Variants in TNPO1 observed in about 807,000 individuals in gnomAD.
TNPO1 encodes the protein transportin-1.
Under a neutral mutation model 119.5 loss-of-function variants are expected in TNPO1, and 8 were observed. The ratio of observed to expected loss-of-function variants is 0.07; its 90% CI spans 0.04 to 0.12. The LOEUF (loss-of-function observed/expected upper bound fraction) is 0.12, where lower values mean the gene tolerates loss of function less well. TNPO1 is among the 10% of genes least tolerant of loss of function. TNPO1 has a pLI of 1.00. For synonymous variants in TNPO1, 362 were observed against 363.0 expected (o/e 1.00, Z 0.03); for missense variants, 576 against 1,089.8 (o/e 0.53, Z 6.64).
rs974956363 is a variant in TNPO1, at chr5:72,909,357, A to G, written c.*684A>G. The G allele has an allele frequency of 2.7e-5, 4 of 150,828 alleles. No individual in the cohort carries two copies. Among genetic ancestry groups the G allele is most frequent in the Non-Finnish European group, 5.9e-5 (4 of 67,858 alleles). 9.3% of individuals were successfully genotyped at this position (150,828 alleles called of 1,614,324 possible). A position where few individuals can be genotyped will look rare whatever the true frequency, so the allele number is the denominator to read the frequency against. On this transcript the variant is annotated 3_prime_UTR_variant, in exon 25 of 25. Coordinates refer to ENST00000337273, the MANE Select transcript of TNPO1 (RefSeq NM_002270.4). ...CACCCTGTGAAATGCCAAATGAGTCACTCCTTTTACCTTTTTTGGGGTGGG... is the reference window on the plus strand; with the variant it reads ...CACCCTGTGAAATGCCAAATGAGTCGCTCCTTTTACCTTTTTTGGGGTGGG...
chr5:72,829,547 G>A (rs1189043786), intron 1 of TNPO1, among the ~76,000 whole-genome samples: 2 of 152,240 alleles, frequency 1.3e-5, no homozygotes, highest in Non-Finnish European at 2.9e-5. Flanking sequence ...TTCCCTCAAG[G>A]ATAGGAGTGG....
intron 9 of TNPO1, chr5:72,878,567 C>A (rs964599952): frequency 1.3e-5 from 2 of 152,326 alleles, no homozygotes; most frequent in Non-Finnish European, 1.5e-5. Context: ...TTTTTTCTTT[C>A]CATCAAGAAA....
intron 9 of TNPO1, 47 bp from the exon 10 acceptor site, chr5:72,882,420 C>A: frequency 7.2e-7 from 1 of 1,391,594 alleles, no homozygotes; most frequent in Non-Finnish European, 1.0e-6. Context: ...ATTAATTATT[C>A]TCTTGAGATC....
At chr5:72,823,761 C>G (rs1221702365) in intron 1 of TNPO1, among the ~76,000 whole-genome samples, 1 of 152,018 alleles carries the variant, frequency 6.6e-6, no homozygotes, top group African/African-American at 2.4e-5. Flanking sequence ...TTTTTTTGCA[C>G]TTGCCCCTAT....
intron 1 of TNPO1, among the ~76,000 whole-genome samples, chr5:72,819,370 G>C (rs1056567729): frequency 1.3e-5 from 2 of 152,188 alleles, no homozygotes; most frequent in African/African-American, 4.8e-5. Context: ...AGTTGTATGC[G>C]TGGATGTTAG....
intron 1 of TNPO1, chr5:72,848,158 G>A (rs1251229670): frequency 1.9e-5 from 23 of 1,205,270 alleles, no homozygotes; most frequent in Non-Finnish European, 2.4e-5. Context: ...CGGCGGCCGC[G>A]GCGGCAGCAG....
At chr5:72,863,339 C>T (rs866154997) in intron 5 of TNPO1, among the ~76,000 whole-genome samples, 4 of 152,100 alleles carry the variant, frequency 2.6e-5, no homozygotes, top group Admixed American at 6.6e-5. Context: ...AGAAACTATC[C>T]GCCATGGTGG....
intron 1 of TNPO1, among the ~76,000 whole-genome samples, chr5:72,838,647 A>G (rs1427983383): frequency 6.6e-6 from 1 of 152,180 alleles, no homozygotes; most frequent in East Asian, 1.9e-4. Flanking sequence ...GCTTGTCTCC[A>G]TCTTTTATGC....
At chr5:72,848,172 C>T (rs952088231) in intron 1 of TNPO1, 2 of 1,220,666 alleles carry the variant, frequency 1.6e-6, no homozygotes, top group African/African-American at 1.6e-5. Flanking sequence ...GCAGCAGCAG[C>T]AGACGCTGGC....
At chr5:72,892,773 C>A (rs779375617) in intron 15 of TNPO1, among the ~76,000 whole-genome samples, 1 of 152,152 alleles carries the variant, frequency 6.6e-6, no homozygotes, top group Non-Finnish European at 1.5e-5. Context: ...ATATTACTTT[C>A]CGGCAGGATC....
intron 6 of TNPO1, chr5:72,871,801 A>G (rs1370155373): frequency 1.3e-5 from 2 of 152,218 alleles, no homozygotes; most frequent in Admixed American, 6.5e-5. Context: ...GTTAGGGGGT[A>G]AGGGAGGAGC....
intron 1 of TNPO1, 177 bp downstream of exon 1, chr5:72,816,929 C>A: frequency 1.5e-6 from 1 of 684,360 alleles, no homozygotes; most frequent in Non-Finnish European, 2.2e-6. Flanking sequence ...CAACAGCTGC[C>A]CGCCCAGGCG....
At chr5:72,857,201 C>T (rs2112289242) in intron 4 of TNPO1, among the ~76,000 whole-genome samples, 1 of 151,960 alleles carries the variant, frequency 6.6e-6, no homozygotes, top group East Asian at 1.9e-4. Flanking sequence ...GCTTGTAATC[C>T]CAGCTACTTG....
At chr5:72,839,219 C>G (rs1245553871) in intron 1 of TNPO1, among the ~76,000 whole-genome samples, 1 of 152,062 alleles carries the variant, frequency 6.6e-6, no homozygotes, top group Non-Finnish European at 1.5e-5. Context: ...CTAAGAGAAT[C>G]GGACCTAATT....
At chr5:72,826,975 A>C (rs532249219) in intron 1 of TNPO1, among the ~76,000 whole-genome samples, 7 of 152,172 alleles carry the variant, frequency 4.6e-5, no homozygotes, top group Non-Finnish European at 2.9e-5. Flanking sequence ...ATGAGAAAAA[A>C]CAAATACATA....
chr5:72,833,033 C>A (rs529600231), intron 1 of TNPO1, among the ~76,000 whole-genome samples: 6 of 152,248 alleles, frequency 3.9e-5, no homozygotes, highest in African/African-American at 1.2e-4. Context: ...ACCAACCCTG[C>A]AATTCCTAGA....
chr5:72,852,298 A>G (rs1026364022), intron 3 of TNPO1, among the ~76,000 whole-genome samples: 3 of 152,324 alleles, frequency 2.0e-5, no homozygotes, highest in African/African-American at 7.2e-5. Context: ...AACGCATCCC[A>G]CTAGACATTA....
At chr5:72,848,617 G>C in intron 2 of TNPO1, 119 bp downstream of exon 2, 1 of 433,678 alleles carries the variant, frequency 2.3e-6, no homozygotes, top group Non-Finnish European at 3.7e-6. Context: ...CTCCGAGACC[G>C]GCCTCCTCCC....
chr5:72,834,201 C>G (rs1715158283), intron 1 of TNPO1, among the ~76,000 whole-genome samples: 1 of 152,134 alleles, frequency 6.6e-6, no homozygotes, highest in Non-Finnish European at 1.5e-5. Flanking sequence ...TATGATTATG[C>G]ACAATACATA....
Sources: gnomAD v4.1 joint callset for allele counts (sites outside exome capture counted in the v4.1 genomes callset) on GRCh38, gnomAD v4.1.1 for gene constraint, MANE v1.5 for transcripts, NCBI Gene and HGNC (gene_info 2026-07-23, HGNC 2026-07-21) for gene names.